Variants in LRRFIP2 observed in about 807,000 individuals in gnomAD.
The protein encoded by LRRFIP2 is leucine-rich repeat flightless-interacting protein 2.
Under a neutral mutation model 125.9 loss-of-function variants are expected in LRRFIP2, and 109 were observed. The ratio of observed to expected loss-of-function variants is 0.87; its 90% CI spans 0.74 to 1.01. The LOEUF is 1.01. Among genes scored for constraint, LRRFIP2 ranks in the 50% least tolerant of loss-of-function variants. The pLI, the probability that LRRFIP2 is intolerant of heterozygous loss-of-function variation, is 0.00. For missense variants in LRRFIP2, 850 were observed against 862.3 expected (o/e 0.99, Z 0.18); for synonymous variants, 291 against 293.1 (o/e 0.99, Z 0.07).
At chr3:37,150,669 A>T (rs2150058403) in intron 1 of LRRFIP2, among the ~76,000 whole-genome samples, 1 of 152,332 alleles carries the variant, frequency 6.6e-6, no homozygotes, top group East Asian at 1.9e-4. Flanking sequence ...TCTTCTATAC[A>T]CATTGCTAAG....
chr3:37,063,177 T>C (rs1184001820), intron 24 of LRRFIP2, among the ~76,000 whole-genome samples: 1 of 152,184 alleles, frequency 6.6e-6, no homozygotes, highest in Non-Finnish European at 1.5e-5. Context: ...CTGAGGGAGA[T>C]GATCCTAGAA....
intron 2 of LRRFIP2, among the ~76,000 whole-genome samples, chr3:37,147,408 G>A (rs536844797): frequency 6.6e-6 from 1 of 152,318 alleles, no homozygotes; most frequent in African/African-American, 2.4e-5. Context: ...TACGTTCACT[G>A]GAGCACTATT....
intron 7 of LRRFIP2, among the ~76,000 whole-genome samples, chr3:37,114,110 CT>C (rs11337665): frequency 0.41 from 61,269 of 148,370 alleles, 12,855 homozygotes; most frequent in Non-Finnish European, 0.46. Context: ...ACTCATTTTA[CT>C]TTTTTTTTTT....
intron 15 of LRRFIP2, among the ~76,000 whole-genome samples, chr3:37,101,811 C>T (rs183457198): frequency 6.6e-6 from 1 of 152,064 alleles, no homozygotes; most frequent in Non-Finnish European, 1.5e-5. Flanking sequence ...AGAGGAGAAG[C>T]GTCAGAGAGA....
intron 1 of LRRFIP2, among the ~76,000 whole-genome samples, chr3:37,162,347 C>T (rs2096371144): frequency 6.6e-6 from 1 of 152,030 alleles, no homozygotes; most frequent in Admixed American, 6.6e-5. Context: ...GATGACTTTA[C>T]AAGCTTCCAC....
At position 37,060,566 on chromosome 3, in the gene LRRFIP2, G is replaced by A. The variant is rs182796173; in HGVS notation, c.1750-1656C>T. Among the ~76,000 whole-genome samples, 135 of 151,316 alleles carry A rather than the reference G, an allele frequency of 8.9e-4. No homozygotes were observed. The highest frequency in any genetic ancestry group is 2.4e-3 in the African/African-American group (99 of 41,282). On this transcript the variant is annotated intron_variant, in intron 24 of 27. Coordinates refer to ENST00000336686, the MANE Select transcript of LRRFIP2 (RefSeq NM_006309.4). This position sits in a 1 kb window ranked among gnomAD's most constrained non-coding sequence, Gnocchi z 4.1. ...CATCCACCCACCTTGGCCTCCCCAA[G>A]TGCTGGGATTACAGACATGAGCCAC...
chr3:37,070,215 G>A (rs1323521556), intron 21 of LRRFIP2, among the ~76,000 whole-genome samples: 3 of 150,984 alleles, frequency 2.0e-5, no homozygotes, highest in African/African-American at 4.9e-5. Context: ...CCGGATTCAA[G>A]TGATTCTCAT....
chr3:37,115,620 A>G (rs1197742603), intron 6 of LRRFIP2, among the ~76,000 whole-genome samples: 1 of 152,190 alleles, frequency 6.6e-6, no homozygotes, highest in Non-Finnish European at 1.5e-5. Context: ...GCTTGTGAAC[A>G]AACACCTAAG....
At chr3:37,139,524 G>A (rs4678938) in intron 2 of LRRFIP2, among the ~76,000 whole-genome samples, 5 of 151,776 alleles carry the variant, frequency 3.3e-5, no homozygotes, top group Non-Finnish European at 5.9e-5. Flanking sequence ...GAAGGCATTC[G>A]CTTCACACCC....
chr3:37,159,507 C>G (rs1339129911), intron 1 of LRRFIP2, among the ~76,000 whole-genome samples: 1 of 151,772 alleles, frequency 6.6e-6, no homozygotes, highest in Non-Finnish European at 1.5e-5. Context: ...GAGTTTGTTA[C>G]TTTCTCTTTT....
chr3:37,148,152 T>G (rs1198427864), intron 2 of LRRFIP2, among the ~76,000 whole-genome samples: 1 of 152,158 alleles, frequency 6.6e-6, no homozygotes, highest in African/African-American at 2.4e-5. Flanking sequence ...TATCCTAAGT[T>G]TACATTCGAA....
Position 37,053,774 on chromosome 3 carries a change from G to T in LRRFIP2, c.*77C>A, listed in dbSNP as rs2086022831. 7 of 898,486 alleles carry T rather than the reference G, an allele frequency of 7.8e-6. No homozygotes were observed. In the Admixed American group the frequency reaches 9.0e-5, roughly 11 times the overall value. 55.7% of individuals were successfully genotyped at this position (898,486 alleles called of 1,614,324 possible). ...AAAACTCAAAACAGTACTAAAAGGGGTTTGTGTCAATGGACAAAAGTCAGT... is the reference window on the plus strand; with the variant it reads ...AAAACTCAAAACAGTACTAAAAGGGTTTTGTGTCAATGGACAAAAGTCAGT... On this transcript the variant is annotated 3_prime_UTR_variant, in exon 28 of 28. Transcript: ENST00000336686.
Position 37,129,138 on chromosome 3 carries a change from C to T in LRRFIP2, c.102G>A (p.Arg34=), listed in dbSNP as rs1559977952. The T allele has an allele frequency of 6.2e-7, 1 of 1,613,824 alleles. No homozygotes were observed. Among genetic ancestry groups the T allele is most frequent in the Non-Finnish European group, 8.5e-7 (1 of 1,179,966 alleles). The part of the protein sequence containing the change: ...LSNIAREAEA[R]LAAKRAARAE... ...CCCGGGCAGCCCGTTTTGCTGCCAGCCTTGCCTCTGCCTGAAAAGTAATAT... is the reference window on the plus strand; with the variant it reads ...CCCGGGCAGCCCGTTTTGCTGCCAGTCTTGCCTCTGCCTGAAAAGTAATAT... The change falls in exon 3 of 28, where the codon AGG becomes AGA. Residue 34 remains arginine (R), a synonymous_variant. Coordinates refer to ENST00000336686, the MANE Select transcript of LRRFIP2 (RefSeq NM_006309.4).
chr3:37,105,312 A>G (rs1198137443), intron 14 of LRRFIP2, 143 bp downstream of exon 14: 5 of 674,220 alleles, frequency 7.4e-6, no homozygotes, highest in Non-Finnish European at 1.3e-5. Context: ...CATGTTTTAT[A>G]AGGCAAAATA....
chr3:37,150,256 A>G (rs2095984393), intron 1 of LRRFIP2, among the ~76,000 whole-genome samples: 1 of 152,168 alleles, frequency 6.6e-6, no homozygotes, highest in African/African-American at 2.4e-5. Context: ...TGGGATCAGG[A>G]GTTCAAGACC....
At chr3:37,076,359 T>C (rs1045763226) in intron 19 of LRRFIP2, among the ~76,000 whole-genome samples, 3 of 151,724 alleles carry the variant, frequency 2.0e-5, no homozygotes, top group Admixed American at 2.0e-4. Flanking sequence ...ACCCCATCTC[T>C]ATAAAAAAAA....
intron 19 of LRRFIP2, among the ~76,000 whole-genome samples, chr3:37,079,878 T>G (rs928896111): frequency 2.0e-5 from 3 of 152,122 alleles, no homozygotes; most frequent in Non-Finnish European, 4.4e-5. Flanking sequence ...TAGGGAACTC[T>G]ATAGATAGAA....
At chr3:37,156,385 T>C (rs1336249399) in intron 1 of LRRFIP2, among the ~76,000 whole-genome samples, 5 of 151,846 alleles carry the variant, frequency 3.3e-5, no homozygotes, top group African/African-American at 9.7e-5. Flanking sequence ...GAAATGTGGA[T>C]GACTAGGGCC....
Position 37,075,086 on chromosome 3 carries a change from C to T in LRRFIP2, c.1309G>A (p.Val437Met), listed in dbSNP as rs2091838256. The T allele has an allele frequency of 6.2e-7, 1 of 1,612,234 alleles. No individual in the cohort carries two copies. The highest frequency in any genetic ancestry group is 1.1e-5 in the South Asian group (1 of 91,076). The change falls in exon 20 of 28, where the codon GTG (valine) becomes ATG (methionine). Residue 437 changes from valine (V) to methionine (M), a missense_variant. By Grantham distance (21) the Val-to-Met change is conservative. Coordinates refer to ENST00000336686, the MANE Select transcript of LRRFIP2 (RefSeq NM_006309.4). ...AGTTCTTCCATCTTATGCTGCAGCA[C>T]ACTACACATATGTTTCTGCCTTTCT... ...ELERQKHMCS[V>M]LQHKMEELKE...
Sources: allele counts gnomAD v4.1 joint callset (sites outside exome capture counted in the v4.1 genomes callset), GRCh38; gene constraint gnomAD v4.1.1; non-coding constraint Gnocchi (gnomAD v3.1); transcripts MANE v1.5; gene names NCBI Gene and HGNC (gene_info 2026-07-23, HGNC 2026-07-21).